The following IRAK2 variants were observed in gnomAD, a reference collection of about 807,000 sequenced individuals.
IRAK2 encodes the protein interleukin-1 receptor-associated kinase-like 2.
Under a neutral mutation model 72.0 loss-of-function variants are expected in IRAK2, and 57 were observed. That is an observed-to-expected ratio of 0.79 (90% CI 0.64 to 0.99). The LOEUF (loss-of-function observed/expected upper bound fraction) is 0.99, where lower values mean the gene tolerates loss of function less well. IRAK2 is among the 50% of genes least tolerant of loss of function. The pLI is 0.00. For synonymous variants in IRAK2, 293 were observed against 312.7 expected (o/e 0.94, Z 0.67); for missense variants, 790 against 794.4 (o/e 0.99, Z 0.07).
At position 10,240,257 on chromosome 3, in the gene IRAK2, C is replaced by G. The variant is rs181546913; in HGVS notation, c.1765+1218C>G. Reference sequence around the variant, plus strand: ...AGATCACGAGTTCAGGAGTCCGAGACCAGTCTGGCCAATATGGTGAAACCC... The same window carrying G: ...AGATCACGAGTTCAGGAGTCCGAGAGCAGTCTGGCCAATATGGTGAAACCC... On this transcript the variant is annotated intron_variant, in intron 12 of 12. Transcript: ENST00000256458. 2.0e-5 allele frequency among the ~76,000 whole-genome samples: 3 copies of G among 151,724 alleles called. No homozygotes were observed. In the East Asian group the frequency reaches 5.9e-4, roughly 30 times the overall value.
rs762941080 is a variant in IRAK2 at position 10,184,191 on chromosome 3, A to G, written c.277+6171A>G. Among the ~76,000 whole-genome samples the G allele has an allele frequency of 9.0e-4, 137 of 152,204 alleles. 2 individuals carry two copies. The highest frequency in any genetic ancestry group is 4.2e-3 in the Admixed American group (64 of 15,278). ...AAGTTGCTCACCTACTTTCCCTCAT[A>G]AGCTATTGGCCAAACCTGGTCACAG... On this transcript the variant is annotated intron_variant, in intron 2 of 12. Coordinates refer to ENST00000256458, the MANE Select transcript of IRAK2 (RefSeq NM_001570.4).
chr3:10,204,143 C>T (rs1270985699), intron 3 of IRAK2, among the ~76,000 whole-genome samples: 1 of 152,232 alleles, frequency 6.6e-6, no homozygotes, highest in African/African-American at 2.4e-5. Context: ...CTGCATGTGT[C>T]ACAGCCTGAC....
At chr3:10,181,709 AC>A (rs1696962133) in intron 2 of IRAK2, among the ~76,000 whole-genome samples, 1 of 152,106 alleles carries the variant, frequency 6.6e-6, no homozygotes, top group African/African-American at 2.4e-5. Context: ...AAAAACCACA[AC>A]CTTGCATAAA....
At chr3:10,210,845 C>G (rs1697506879) in intron 4 of IRAK2, among the ~76,000 whole-genome samples, 1 of 152,120 alleles carries the variant, frequency 6.6e-6, no homozygotes, top group African/African-American at 2.4e-5. Context: ...GATCCTGTGT[C>G]TACAAAAAAG....
intron 10 of IRAK2, among the ~76,000 whole-genome samples, chr3:10,231,421 A>G (rs1009246180): frequency 1.3e-5 from 2 of 151,930 alleles, no homozygotes; most frequent in African/African-American, 2.4e-5. Context: ...CTTCCCATGT[A>G]GCTGGGATCA....
At chr3:10,165,429 G>GT (rs1409162890) in intron 1 of IRAK2, among the ~76,000 whole-genome samples, 7 of 130,658 alleles carry the variant, frequency 5.4e-5, no homozygotes, top group African/African-American at 1.6e-4. Context: ...CACTTCTTGG[G>GT]GGGGTGTGTG....
intron 3 of IRAK2, among the ~76,000 whole-genome samples, chr3:10,206,335 C>G (rs910828876): frequency 6.6e-5 from 10 of 152,158 alleles, no homozygotes; most frequent in African/African-American, 2.4e-4. Flanking sequence ...CACAGCCAGG[C>G]CCGCAGATAG....
intron 2 of IRAK2, among the ~76,000 whole-genome samples, chr3:10,199,634 G>A (rs1338978028): frequency 3.3e-5 from 5 of 152,088 alleles, no homozygotes; most frequent in Admixed American, 6.6e-5. Context: ...TCTTTGACCC[G>A]CTCACGTGTT....
At chr3:10,165,083 C>A (rs371307726) in intron 1 of IRAK2, 35 bp downstream of exon 1, 1 of 1,556,900 alleles carries the variant, frequency 6.4e-7, no homozygotes, top group Non-Finnish European at 8.8e-7. Flanking sequence ...GGGACCAGGG[C>A]GACCGGAGCC....
At chr3:10,199,790 G>A (rs7611598) in intron 2 of IRAK2, among the ~76,000 whole-genome samples, 2,832 of 152,142 alleles carry the variant, frequency 0.019, 75 homozygotes, top group African/African-American at 0.066. Flanking sequence ...GTGACTTGTT[G>A]GAGGTCACAC....
chr3:10,215,530 T>C, intron 6 of IRAK2, among the ~76,000 whole-genome samples: 1 of 152,058 alleles, frequency 6.6e-6, no homozygotes. Context: ...TTTAATATTT[T>C]GATATATTTT....
intron 4 of IRAK2, among the ~76,000 whole-genome samples, chr3:10,212,320 C>T (rs75123101): frequency 6.6e-6 from 1 of 151,450 alleles, no homozygotes; most frequent in African/African-American, 2.4e-5. Context: ...TTTTAAAGCT[C>T]ATCAGCTATC....
intron 2 of IRAK2, among the ~76,000 whole-genome samples, chr3:10,195,442 C>T (rs897217348): frequency 5.9e-5 from 9 of 151,832 alleles, no homozygotes; most frequent in African/African-American, 2.2e-4. Context: ...ATCCCAGCGG[C>T]ATGGGAGGCT....
chr3:10,221,285 G>A (rs1450760399), intron 8 of IRAK2, among the ~76,000 whole-genome samples: 5 of 127,456 alleles, frequency 3.9e-5, no homozygotes, highest in Admixed American at 1.0e-4. Context: ...ATGGAGTCGC[G>A]CTCTGTGGCC....
At chr3:10,210,901 C>T (rs1250460923) in intron 4 of IRAK2, among the ~76,000 whole-genome samples, 1 of 152,118 alleles carries the variant, frequency 6.6e-6, no homozygotes, top group East Asian at 1.9e-4. Context: ...GCTCCATTGC[C>T]CAGGCTGGAG....
chr3:10,187,373 G>T (rs1041576495), intron 2 of IRAK2, among the ~76,000 whole-genome samples: 1 of 152,144 alleles, frequency 6.6e-6, no homozygotes, highest in African/African-American at 2.4e-5. Flanking sequence ...AAAGAACTGG[G>T]TCTTGGATGA....
chr3:10,213,328 G>A lies in IRAK2; in HGVS notation c.650G>A (p.Ser217Asn). 1.9e-6 allele frequency: 3 copies of A among 1,614,150 alleles called. No individual in the cohort carries two copies. Among genetic ancestry groups the A allele is most frequent in the Non-Finnish European group, 2.5e-6 (3 of 1,180,038 alleles). ...GACTTCAATCAAAACCGCAAAATCA[G>A]CCAGGGGACCTTTGCTGACGTCTAC... is the stretch of plus-strand genomic sequence containing the variant. The part of the protein sequence containing the change: ...TDDFNQNRKI[S>N]QGTFADVYRG... Residue 217 changes from serine to asparagine, a missense_variant, in exon 5 of 13, where the codon AGC becomes AAC. Coordinates refer to ENST00000256458, the MANE Select transcript of IRAK2 (RefSeq NM_001570.4).
At chr3:10,186,931 C>T (rs1697084871) in intron 2 of IRAK2, among the ~76,000 whole-genome samples, 1 of 150,066 alleles carries the variant, frequency 6.7e-6, no homozygotes, top group Admixed American at 6.6e-5. Context: ...TCCCAAGTAG[C>T]TAGGACTATA....
chr3:10,209,503 G>A (rs1181426829), intron 3 of IRAK2, 86 bp from the exon 4 acceptor site: 1 of 802,642 alleles, frequency 1.2e-6, no homozygotes, highest in Non-Finnish European at 1.9e-6. Flanking sequence ...GTGAACAGGA[G>A]ACTGGCATAG....
Sources: allele counts gnomAD v4.1 joint callset (sites outside exome capture counted in the v4.1 genomes callset), GRCh38; gene constraint gnomAD v4.1.1; transcripts MANE v1.5; gene names NCBI Gene and HGNC (gene_info 2026-07-23, HGNC 2026-07-21).